Variants in BEND3 observed in about 807,000 individuals in gnomAD.
BEND3 encodes the protein BEN domain-containing protein 3.
In BEND3, 13 loss-of-function variants were observed where a neutral mutation model predicts 60.1. That is an observed-to-expected ratio of 0.22 (90% CI 0.14 to 0.34). The LOEUF (loss-of-function observed/expected upper bound fraction) is 0.34, where lower values mean the gene tolerates loss of function less well. BEND3 is among the 10% of genes least tolerant of loss of function. The pLI is 1.00. For synonymous variants in BEND3, 497 were observed against 491.5 expected (o/e 1.01, Z -0.15); for missense variants, 896 against 1,138.1 (o/e 0.79, Z 3.06).
intron 3 of BEND3, among the ~76,000 whole-genome samples, chr6:107,089,518 G>A (rs957452555): frequency 6.7e-6 from 1 of 150,144 alleles, no homozygotes; most frequent in Non-Finnish European, 1.5e-5. Context: ...CCCAGGAGGC[G>A]GAGCTTGCAG....
At chr6:107,104,163 G>A (rs1218573739) in intron 1 of BEND3, among the ~76,000 whole-genome samples, 3 of 151,228 alleles carry the variant, frequency 2.0e-5, no homozygotes, top group Middle Eastern at 3.2e-3. Flanking sequence ...GGTGGCGGGC[G>A]CCCATAGTCC....
In BEND3 at chr6:107,065,228, G is replaced by A. The variant is rs1774802691; in HGVS notation, c.*3476C>T. The A allele has an allele frequency of 6.6e-6, 1 of 152,568 alleles. No homozygotes were observed. Among genetic ancestry groups the A allele is most frequent in the Non-Finnish European group, 1.5e-5 (1 of 68,018 alleles). The allele number at this position is 152,568 out of a possible 1,614,324, so 9.5% of individuals were successfully genotyped here. A position where few individuals can be genotyped will look rare whatever the true frequency, so the allele number is the denominator to read the frequency against. On this transcript the variant is annotated 3_prime_UTR_variant, in exon 4 of 4. Transcript: ENST00000369042. ...TTATATAACTCATAAAACAGTGTTT[G>A]TATAAAAATTCACACAAAGTTGCTA... is the stretch of plus-strand genomic sequence containing the variant.
chr6:107,079,700 T>A (rs1048799041), intron 3 of BEND3, among the ~76,000 whole-genome samples: 6 of 152,120 alleles, frequency 3.9e-5, no homozygotes, highest in African/African-American at 1.4e-4. Context: ...GTCTTCCCAA[T>A]CAGTCCTGAT....
rs1241034523 is a variant in BEND3, at chr6:107,115,237, G to T, written c.-159C>A. The T allele has an allele frequency of 1.3e-5, 2 of 149,734 alleles. No homozygotes were observed. The highest frequency in any genetic ancestry group is 3.9e-4 in the East Asian group (2 of 5,122). The allele number at this position is 149,734 out of a possible 1,614,324, so 9.3% of individuals were successfully genotyped here. Reference sequence around the variant, plus strand: ...GGGAGGCGCTGGGGGCGGCGGGCGGGCGAGCGCCGTGTATTTTCCCCTCTC... The same window carrying T: ...GGGAGGCGCTGGGGGCGGCGGGCGGTCGAGCGCCGTGTATTTTCCCCTCTC... On this transcript the variant is annotated 5_prime_UTR_variant, in exon 1 of 4. Coordinates refer to ENST00000369042, the MANE Select transcript of BEND3 (RefSeq NM_001367314.1).
At position 107,111,979 on chromosome 6, in the gene BEND3, T is replaced by C. The variant is rs570563451; in HGVS notation, c.-12+3111A>G. 2.5e-4 allele frequency among the ~76,000 whole-genome samples: 17 copies of C among 68,522 alleles called. 1 individual carries two copies. The East Asian group carries it at 6.3e-3, about 26-fold the overall frequency. The allele number at this position is 68,522 out of a possible 152,430, so 45.0% of individuals were successfully genotyped here. On this transcript the variant is annotated intron_variant, in intron 1 of 3. Coordinates refer to ENST00000369042, the MANE Select transcript of BEND3 (RefSeq NM_001367314.1). ...CCTGGGCACCAGAGTGAGACTCCGT[T>C]TCAAAAAAAAAAAAAAAAAAAAAAA... is the stretch of plus-strand genomic sequence containing the variant.
rs200433437 is a variant in BEND3, at chr6:107,096,240, T to C, written c.240+2311A>G. On this transcript the variant is annotated intron_variant, in intron 3 of 3. Coordinates refer to ENST00000369042, the MANE Select transcript of BEND3 (RefSeq NM_001367314.1). Reference sequence around the variant, plus strand: ...CAAAAAGAAATGAAGTACTGATACATAGATGATGAACCTTGAAAACATTAT... The same window carrying C: ...CAAAAAGAAATGAAGTACTGATACACAGATGATGAACCTTGAAAACATTAT... 5.8e-4 allele frequency among the ~76,000 whole-genome samples: 89 copies of C among 152,168 alleles called. 1 individual carries two copies. Among genetic ancestry groups the C allele is most frequent in the Non-Finnish European group, 7.5e-4 (51 of 68,020 alleles).
In BEND3 at chr6:107,115,183, C is replaced by T. The variant is rs1260838877; in HGVS notation, c.-105G>A. 3 of 149,550 alleles carry T rather than the reference C, an allele frequency of 2.0e-5. No individual in the cohort carries two copies. The highest frequency in any genetic ancestry group is 7.3e-5 in the African/African-American group (3 of 40,954). The allele number at this position is 149,550 out of a possible 1,614,324, so 9.3% of individuals were successfully genotyped here. A position where few individuals can be genotyped will look rare whatever the true frequency, so the allele number is the denominator to read the frequency against. On this transcript the variant is annotated 5_prime_UTR_variant, in exon 1 of 4. Transcript: ENST00000369042. ...GCGCGGGGCCGGGGAGTGGGGGCCGCGCGCGGAGGGCCTGGCCAGGGCGGC... is the reference window on the plus strand; with the variant it reads ...GCGCGGGGCCGGGGAGTGGGGGCCGTGCGCGGAGGGCCTGGCCAGGGCGGC...
chr6:107,087,598 A>G (rs1037905475), intron 3 of BEND3, among the ~76,000 whole-genome samples: 2 of 151,700 alleles, frequency 1.3e-5, no homozygotes, highest in Non-Finnish European at 2.9e-5. Flanking sequence ...TCAGCCAGGC[A>G]TGGTGGCACG....
chr6:107,090,480 C>T (rs1775452184), intron 3 of BEND3, among the ~76,000 whole-genome samples: 1 of 152,162 alleles, frequency 6.6e-6, no homozygotes, highest in Non-Finnish European at 1.5e-5. Context: ...GAAGGAATAA[C>T]TGAAGGTAAA....
Position 107,069,450 on chromosome 6 carries a change from G to A in BEND3, c.1741C>T (p.Leu581=). 6.2e-7 allele frequency: 1 copy of A among 1,612,346 alleles called. No individual in the cohort carries two copies. Among genetic ancestry groups the A allele is most frequent in the Middle Eastern group, 1.6e-4 (1 of 6,062 alleles). Residue 581 remains leucine, a synonymous_variant, in exon 4 of 4, where the codon CTG becomes TTG. Transcript: ENST00000369042. ...TCGTGCGTGAAGAGCTCGGGGAACA[G>A]GTGCACCAGCAGGCGCGAGGCGAAG... ...GNFASRLLVH[L]FPELFTHENL...
chr6:107,080,330 G>A (rs1447708747), intron 3 of BEND3, among the ~76,000 whole-genome samples: 1 of 119,558 alleles, frequency 8.4e-6, no homozygotes. Flanking sequence ...ACTCCAGCCT[G>A]AGCCACAGAA....
intron 3 of BEND3, among the ~76,000 whole-genome samples, chr6:107,079,879 G>C (rs1357490951): frequency 6.6e-6 from 1 of 151,914 alleles, no homozygotes; most frequent in African/African-American, 2.4e-5. Flanking sequence ...GTAACTGTTA[G>C]TGTGCTTCCT....
chr6:107,091,488 C>T (rs115885412), intron 3 of BEND3, among the ~76,000 whole-genome samples: 1 of 152,180 alleles, frequency 6.6e-6, no homozygotes, highest in African/African-American at 2.4e-5. Context: ...ACTACAGGCC[C>T]CATGGACATT....
intron 3 of BEND3, among the ~76,000 whole-genome samples, chr6:107,073,330 C>T (rs569405466): frequency 3.1e-4 from 44 of 144,232 alleles, no homozygotes; most frequent in Middle Eastern, 3.6e-3. Flanking sequence ...CTCCCCTCTA[C>T]AGCACTCACA....
intron 3 of BEND3, among the ~76,000 whole-genome samples, chr6:107,073,308 C>T (rs1453455122): frequency 7.0e-6 from 1 of 141,856 alleles, no homozygotes; most frequent in African/African-American, 2.7e-5. Flanking sequence ...TTGTGGACCC[C>T]ACTCCCCACC....
chr6:107,076,904 C>G (rs1440075731), intron 3 of BEND3, among the ~76,000 whole-genome samples: 1 of 152,018 alleles, frequency 6.6e-6, no homozygotes, highest in Admixed American at 6.6e-5. Flanking sequence ...GTGATCTTGG[C>G]TCACTGCAAC....
In BEND3 at chr6:107,087,137, G is replaced by A. The variant is rs571530302; in HGVS notation, c.240+11414C>T. ...ACTTGAGGTCAGGAATTCGAGACCAGCCTGGTCAACATGGCGAAACCCCAT... is the reference window on the plus strand; with the variant it reads ...ACTTGAGGTCAGGAATTCGAGACCAACCTGGTCAACATGGCGAAACCCCAT... On this transcript the variant is annotated intron_variant, in intron 3 of 3. Transcript: ENST00000369042. Among the ~76,000 whole-genome samples, 10 of 151,650 alleles carry A rather than the reference G, an allele frequency of 6.6e-5. No individual in the cohort carries two copies. In the South Asian group the frequency reaches 2.1e-3, roughly 32 times the overall value.
At chr6:107,079,671 A>C (rs1554233238) in intron 3 of BEND3, among the ~76,000 whole-genome samples, 1 of 152,060 alleles carries the variant, frequency 6.6e-6, no homozygotes, top group Non-Finnish European at 1.5e-5. Flanking sequence ...CAGTAGGATG[A>C]CTCAGAGAAA....
At chr6:107,114,659 A>G (rs1770221109) in intron 1 of BEND3, among the ~76,000 whole-genome samples, 7 of 130,982 alleles carry the variant, frequency 5.3e-5, no homozygotes, top group Admixed American at 1.7e-4. Flanking sequence ...CGAGTACGGC[A>G]GAGCCTTCCG....
Sources: gnomAD v4.1 joint callset for allele counts (sites outside exome capture counted in the v4.1 genomes callset) on GRCh38, gnomAD v4.1.1 for gene constraint, MANE v1.5 for transcripts, NCBI Gene and HGNC (gene_info 2026-07-23, HGNC 2026-07-21) for gene names.